The following KIAA0930 variants were observed in gnomAD, a reference collection of about 807,000 sequenced individuals.
The protein encoded by KIAA0930 is KIAA0930.
Under a neutral mutation model 43.9 loss-of-function variants are expected in KIAA0930, and 24 were observed. The ratio of observed to expected loss-of-function variants is 0.55; its 90% CI spans 0.40 to 0.77. The LOEUF (loss-of-function observed/expected upper bound fraction) is 0.77. KIAA0930 is among the 30% of genes least tolerant of loss of function. KIAA0930 has a pLI of 0.00. For synonymous variants in KIAA0930, 259 were observed against 216.4 expected, an observed-to-expected ratio of 1.20 and a Z score of -1.73; for missense variants, 461 against 574.2, an observed-to-expected ratio of 0.80 and a Z score of 2.02.
intron 5 of KIAA0930, 122 bp downstream of exon 5, chr22:45,205,095 G>A (rs1299172748): frequency 1.3e-5 from 10 of 751,310 alleles, no homozygotes; most frequent in Middle Eastern, 5.5e-4. Flanking sequence ...TGCCTCAGCC[G>A]GACTCTTCCC....
intron 1 of KIAA0930, among the ~76,000 whole-genome samples, chr22:45,220,008 G>A (rs961177337): frequency 1.3e-5 from 2 of 152,004 alleles, no homozygotes; most frequent in Non-Finnish European, 2.9e-5. Flanking sequence ...TCACAAGGAG[G>A]CACAGTATTG....
intron 2 of KIAA0930, 136 bp downstream of exon 2, chr22:45,211,820 G>GGA (rs2083696115): frequency 1.1e-6 from 1 of 880,540 alleles, no homozygotes; most frequent in African/African-American, 1.7e-5. Flanking sequence ...CTGGAATACA[G>GGA]TAGGTGCTCA....
At chr22:45,230,052 T>C (rs907059979) in intron 1 of KIAA0930, among the ~76,000 whole-genome samples, 2 of 152,186 alleles carry the variant, frequency 1.3e-5, no homozygotes, top group Non-Finnish European at 2.9e-5. Flanking sequence ...GCCGAGATTA[T>C]GCCACTGCAC....
At chr22:45,221,924 G>A (rs900049778) in intron 1 of KIAA0930, among the ~76,000 whole-genome samples, 1 of 152,170 alleles carries the variant, frequency 6.6e-6, no homozygotes, top group Non-Finnish European at 1.5e-5. Flanking sequence ...AGTAGAGACG[G>A]GGTATCACCA....
intron 1 of KIAA0930, among the ~76,000 whole-genome samples, chr22:45,235,019 A>C (rs1843931260): frequency 6.6e-6 from 1 of 152,010 alleles, no homozygotes; most frequent in African/African-American, 2.4e-5. Context: ...AATTAGAAAA[A>C]AATGTGTTTG....
intron 1 of KIAA0930, among the ~76,000 whole-genome samples, chr22:45,215,435 G>A (rs912467510): frequency 6.6e-6 from 1 of 152,140 alleles, no homozygotes; most frequent in Non-Finnish European, 1.5e-5. Flanking sequence ...CCTGACGGCA[G>A]AGTACAAAAT....
chr22:45,218,766 C>A (rs1383806620), intron 1 of KIAA0930, among the ~76,000 whole-genome samples: 1 of 152,102 alleles, frequency 6.6e-6, no homozygotes, highest in Non-Finnish European at 1.5e-5. Flanking sequence ...ACTAAGCGAA[C>A]CCGGGGGTCA....
chr22:45,205,774 C>CCCCCA lies in KIAA0930; in HGVS notation c.336+18_336+19insTGGGG. The CCCCCA allele has an allele frequency of 4.6e-6, 5 of 1,096,310 alleles. No individual in the cohort carries two copies. Among genetic ancestry groups the CCCCCA allele is most frequent in the Non-Finnish European group, 5.5e-6 (4 of 729,382 alleles). 67.9% of individuals were successfully genotyped at this position (1,096,310 alleles called of 1,614,324 possible). A position where few individuals can be genotyped will look rare whatever the true frequency, so the allele number is the denominator to read the frequency against. ...ATCCCACAGGGCCAATCCGCAGCCC[C>CCCCCA]ACCCATCCCACCCCATACCTTCTGC... On this transcript the variant is annotated intron_variant, in intron 3 of 9. Coordinates refer to ENST00000336156, the MANE Select transcript of KIAA0930 (RefSeq NM_001009880.2).
chr22:45,225,941 C>A (rs1043946643), intron 1 of KIAA0930, among the ~76,000 whole-genome samples: 1 of 152,264 alleles, frequency 6.6e-6, no homozygotes, highest in Admixed American at 6.5e-5. Flanking sequence ...CAAAGCCCCA[C>A]CTGCCTGCAA....
chr22:45,211,048 C>T (rs1468938294), intron 2 of KIAA0930, among the ~76,000 whole-genome samples: 1 of 152,178 alleles, frequency 6.6e-6, no homozygotes, highest in Non-Finnish European at 1.5e-5. Flanking sequence ...GGCCAGCATG[C>T]AGGCACCCAG....
chr22:45,216,020 T>C (rs1331311095), intron 1 of KIAA0930, among the ~76,000 whole-genome samples: 69 of 114,292 alleles, frequency 6.0e-4, no homozygotes, highest in Non-Finnish European at 1.1e-3. Context: ...AGAGCGAGAC[T>C]CCGTCTCAAA....
chr22:45,208,737 T>C (rs548794266), intron 2 of KIAA0930, among the ~76,000 whole-genome samples: 1 of 152,378 alleles, frequency 6.6e-6, no homozygotes, highest in South Asian at 2.1e-4. Flanking sequence ...ATAGACGTTA[T>C]ATTGAAAACA....
At chr22:45,211,332 A>G (rs1478968380) in intron 2 of KIAA0930, 1 of 398,552 alleles carries the variant, frequency 2.5e-6, no homozygotes, top group Non-Finnish European at 4.4e-6. Context: ...ACAGAGAAGG[A>G]AGCATGCAAA....
intron 2 of KIAA0930, among the ~76,000 whole-genome samples, chr22:45,209,053 C>A (rs1018044766): frequency 2.6e-5 from 4 of 152,204 alleles, no homozygotes; most frequent in Non-Finnish European, 4.4e-5. Context: ...CAGGACATCC[C>A]TCCCTGGGAA....
At position 45,200,012 on chromosome 22, in the gene KIAA0930, G is replaced by T. The variant is rs1323919621; in HGVS notation, c.876C>A (p.Pro292=). Residue 292 remains proline (P), a synonymous_variant, in exon 8 of 10, where the codon CCC becomes CCA. Coordinates refer to ENST00000336156, the MANE Select transcript of KIAA0930 (RefSeq NM_001009880.2). ...CAGGCCGGTTGTTCCGTTCTGGGGT[G>T]GGGGGTGTGCTGAAGGAGGTCACCT... is the stretch of plus-strand genomic sequence containing the variant. ...HERVTSFSTP[P]TPERNNRPAF... The T allele has an allele frequency of 6.3e-6, 10 of 1,594,948 alleles. No homozygotes were observed. The highest frequency in any genetic ancestry group is 3.4e-5 in the South Asian group (3 of 88,834).
chr22:45,232,455 C>T (rs1055022887), intron 1 of KIAA0930, among the ~76,000 whole-genome samples: 2 of 152,204 alleles, frequency 1.3e-5, no homozygotes, highest in Non-Finnish European at 2.9e-5. Flanking sequence ...ACTTGCACCA[C>T]GGGGCAAGAG....
At chr22:45,208,776 G>A (rs1053161299) in intron 2 of KIAA0930, among the ~76,000 whole-genome samples, 3 of 152,252 alleles carry the variant, frequency 2.0e-5, no homozygotes, top group Admixed American at 1.3e-4. Context: ...AGTGAGACTG[G>A]GGACAGGGCT....
intron 8 of KIAA0930, among the ~76,000 whole-genome samples, chr22:45,198,511 G>A (rs1041492773): frequency 1.3e-5 from 2 of 152,232 alleles, no homozygotes; most frequent in African/African-American, 4.8e-5. Flanking sequence ...CCCAGGCCAG[G>A]GCCTTGAGCA....
rs749169694 is a variant in KIAA0930, at chr22:45,203,870, G to T, written c.632C>A (p.Ala211Glu). 1 of 1,614,080 alleles carries T rather than the reference G, an allele frequency of 6.2e-7. No individual in the cohort carries two copies. The highest frequency in any genetic ancestry group is 2.2e-5 in the East Asian group (1 of 44,874). Reference protein sequence around the residue: ...VIFQGSIRYEALKKVYDNRVS... With the variant: ...VIFQGSIRYEELKKVYDNRVS... Reference sequence around the variant, plus strand: ...CCGGTTGTCATACACCTTCTTGAGCGCCTCGTAGCGGATGGAGCCCTGAAA... The same window carrying T: ...CCGGTTGTCATACACCTTCTTGAGCTCCTCGTAGCGGATGGAGCCCTGAAA... Residue 211 changes from alanine (A) to glutamate (E), a missense_variant, in exon 6 of 10, where the codon GCG becomes GAG. Physicochemically the swap from Ala to Glu is moderately radical, Grantham distance 107 (BLOSUM62 -1). Transcript: ENST00000336156.
Sources: allele counts gnomAD v4.1 joint callset (sites outside exome capture counted in the v4.1 genomes callset), GRCh38; gene constraint gnomAD v4.1.1; transcripts MANE v1.5; gene names NCBI Gene and HGNC (gene_info 2026-07-23, HGNC 2026-07-21).